The following EPHB1 variants were observed in gnomAD, a reference collection of about 807,000 sequenced individuals.
EPHB1 encodes the protein EPH receptor B1.
In EPHB1, 30 loss-of-function variants were observed where a neutral mutation model predicts 94.4. The ratio of observed to expected loss-of-function variants is 0.32; its 90% CI spans 0.24 to 0.43. The LOEUF (loss-of-function observed/expected upper bound fraction) is 0.43. EPHB1 is among the 20% of genes least tolerant of loss of function. The probability of loss-of-function intolerance (pLI) is 1.00; values close to 1 mark genes in which losing one functional copy is unlikely to be tolerated. For missense variants in EPHB1, 1,055 were observed against 1,308.3 expected (o/e 0.81, Z 2.99); for synonymous variants, 522 against 489.1 (o/e 1.07, Z -0.89).
At chr3:135,210,439 C>A (rs545920022) in intron 12 of EPHB1, among the ~76,000 whole-genome samples, 2 of 152,104 alleles carry the variant, frequency 1.3e-5, no homozygotes, top group African/African-American at 4.8e-5. Context: ...CAAACAGAAA[C>A]AAAACAGTGC....
At chr3:135,000,233 T>A (rs1280042894) in intron 3 of EPHB1, among the ~76,000 whole-genome samples, 3 of 152,260 alleles carry the variant, frequency 2.0e-5, no homozygotes, top group East Asian at 1.9e-4. Context: ...GAGGTCTCTC[T>A]TAATTAGAGA....
intron 1 of EPHB1, among the ~76,000 whole-genome samples, chr3:134,915,656 G>A (rs932723125): frequency 2.0e-5 from 3 of 152,280 alleles, no homozygotes; most frequent in African/African-American, 2.4e-5. Flanking sequence ...CTTCTGGTGG[G>A]TTCGTGGTCT....
At chr3:135,251,445 T>G (rs1316393562) in intron 15 of EPHB1, among the ~76,000 whole-genome samples, 1 of 151,856 alleles carries the variant, frequency 6.6e-6, no homozygotes, top group Non-Finnish European at 1.5e-5. Context: ...AAGAATTCTC[T>G]TAGTCTGAGA....
chr3:135,235,901 G>A (rs1501214), intron 12 of EPHB1, among the ~76,000 whole-genome samples: 40,452 of 151,964 alleles, frequency 0.27, 6,385 homozygotes, highest in East Asian at 0.5. Context: ...GTGGTTAATC[G>A]AGGGGCTTTG....
chr3:134,886,531 G>A (rs996302349), intron 1 of EPHB1, among the ~76,000 whole-genome samples: 1 of 152,136 alleles, frequency 6.6e-6, no homozygotes, highest in Non-Finnish European at 1.5e-5. Flanking sequence ...AACAAACACG[G>A]ATCTATCGGA....
intron 3 of EPHB1, among the ~76,000 whole-genome samples, chr3:134,997,454 T>C (rs7349518): frequency 6.6e-6 from 1 of 152,238 alleles, no homozygotes; most frequent in African/African-American, 2.4e-5. Context: ...TTATTTGTGG[T>C]ACATTCTATT....
At chr3:134,880,547 A>T (rs945758363) in intron 1 of EPHB1, among the ~76,000 whole-genome samples, 3 of 152,068 alleles carry the variant, frequency 2.0e-5, no homozygotes, top group Non-Finnish European at 4.4e-5. Context: ...CTTCATGGAG[A>T]CTGCTGTAGC....
chr3:134,799,945 C>G (rs2035905292), intron 1 of EPHB1, among the ~76,000 whole-genome samples: 1 of 152,160 alleles, frequency 6.6e-6, no homozygotes. Context: ...TCCTCTGGAT[C>G]TAGCATGTGT....
chr3:135,059,823 A>G (rs1937444108), intron 3 of EPHB1, among the ~76,000 whole-genome samples: 1 of 152,168 alleles, frequency 6.6e-6, no homozygotes, highest in African/African-American at 2.4e-5. Flanking sequence ...GCCACCACTA[A>G]TGCGTGACCT....
At chr3:134,848,713 G>A (rs1284046340) in intron 1 of EPHB1, among the ~76,000 whole-genome samples, 1 of 152,222 alleles carries the variant, frequency 6.6e-6, no homozygotes, top group Non-Finnish European at 1.5e-5. Flanking sequence ...TTGGTAGGCA[G>A]TCTTCAGCCC....
intron 3 of EPHB1, among the ~76,000 whole-genome samples, chr3:134,955,105 A>ATTTTTTTTTTTTTTTTTTTTTTTTTTTT (rs1174011769): frequency 9.5e-4 from 23 of 24,128 alleles, no homozygotes; most frequent in Admixed American, 1.4e-3. Context: ...TTTTTTTTTA[A>ATTTTTTTTTTTTTTTTTTTTTTTTTTTT]TTTTTTTTTT....
chr3:134,868,797 G>A (rs2037438155), intron 1 of EPHB1, among the ~76,000 whole-genome samples: 1 of 152,234 alleles, frequency 6.6e-6, no homozygotes, highest in Non-Finnish European at 1.5e-5. Flanking sequence ...TGTGGCTTAT[G>A]CAATAATAGA....
chr3:135,124,946 C>T (rs1940138878), intron 4 of EPHB1, among the ~76,000 whole-genome samples: 1 of 151,646 alleles, frequency 6.6e-6, no homozygotes. Context: ...GCTTTGGACC[C>T]TCAGCACAAT....
At chr3:134,851,216 C>T (rs982401093) in intron 1 of EPHB1, among the ~76,000 whole-genome samples, 31 of 152,232 alleles carry the variant, frequency 2.0e-4, no homozygotes, top group African/African-American at 6.8e-4. Flanking sequence ...GCAGGGCACA[C>T]CTGCCTACTT....
At chr3:134,936,902 A>G (rs1056695430) in intron 2 of EPHB1, among the ~76,000 whole-genome samples, 1 of 152,180 alleles carries the variant, frequency 6.6e-6, no homozygotes, top group Non-Finnish European at 1.5e-5. Flanking sequence ...GGACCTGTGT[A>G]TGACTGGCCA....
chr3:134,979,639 T>C (rs1934331453), intron 3 of EPHB1, among the ~76,000 whole-genome samples: 1 of 151,938 alleles, frequency 6.6e-6, no homozygotes, highest in Non-Finnish European at 1.5e-5. Flanking sequence ...TTCAACTTTA[T>C]AATGGTGCAA....
intron 1 of EPHB1, among the ~76,000 whole-genome samples, chr3:134,820,629 C>A (rs961855236): frequency 1.3e-5 from 2 of 152,146 alleles, no homozygotes; most frequent in African/African-American, 2.4e-5. Context: ...TCTTTCACAG[C>A]AAGTTCTTGA....
chr3:135,134,848 T>C (rs192780499), intron 5 of EPHB1, among the ~76,000 whole-genome samples: 15 of 152,274 alleles, frequency 9.9e-5, no homozygotes, highest in Admixed American at 9.8e-4. Flanking sequence ...TCTCTAAGCA[T>C]GTGCGAACAA....
intron 1 of EPHB1, among the ~76,000 whole-genome samples, chr3:134,860,798 CAA>C (rs10666494): frequency 1.6e-4 from 15 of 93,714 alleles, no homozygotes; most frequent in African/African-American, 3.6e-4. Context: ...GGCCAGGTGA[CAA>C]AAAAAAAAAA....
Sources: gnomAD v4.1 joint callset for allele counts (sites outside exome capture counted in the v4.1 genomes callset) on GRCh38, gnomAD v4.1.1 for gene constraint, MANE v1.5 for transcripts, NCBI Gene and HGNC (gene_info 2026-07-23, HGNC 2026-07-21) for gene names.